KCNN2: variants seen among roughly 807,000 people sequenced by gnomAD.
The protein encoded by KCNN2 is small conductance calcium-activated potassium channel protein 2.
In KCNN2, 24 loss-of-function variants were observed where a neutral mutation model predicts 55.5. The observed-to-expected ratio is 0.43, with a 90% CI of 0.31 to 0.61. The LOEUF (loss-of-function observed/expected upper bound fraction) is 0.61. Ranked by LOEUF, KCNN2 falls within the 20% of genes least tolerant of loss-of-function variation. The pLI is 0.08. For missense variants in KCNN2, 754 were observed against 853.6 expected (o/e 0.88, Z 1.45); for synonymous variants, 431 against 336.1 (o/e 1.28, Z -3.09).
At chr5:114,409,037 A>C (rs1759035579) in intron 3 of KCNN2, among the ~76,000 whole-genome samples, 1 of 152,200 alleles carries the variant, frequency 6.6e-6, no homozygotes, top group African/African-American at 2.4e-5. Context: ...GAAGGGACAG[A>C]GGCCAAAACT....
intron 1 of KCNN2, among the ~76,000 whole-genome samples, chr5:114,160,105 A>G (rs1347627017): frequency 3.3e-5 from 5 of 151,996 alleles, no homozygotes; most frequent in Non-Finnish European, 7.4e-5. Flanking sequence ...TAGGGTGTCA[A>G]TTTTAGGTCT....
At chr5:114,212,589 C>A (rs1265147357) in intron 1 of KCNN2, among the ~76,000 whole-genome samples, 3 of 151,754 alleles carry the variant, frequency 2.0e-5, no homozygotes, top group Non-Finnish European at 4.4e-5. Flanking sequence ...TCACATTTTT[C>A]TTCACTCTGC....
At chr5:114,154,668 G>A (rs116414631) in intron 1 of KCNN2, among the ~76,000 whole-genome samples, 375 of 152,232 alleles carry the variant, frequency 2.5e-3, no homozygotes, top group African/African-American at 8.7e-3. Context: ...TCTAGTTTGG[G>A]TTGTTAAACA....
chr5:114,154,811 T>C (rs1752596826), intron 1 of KCNN2, among the ~76,000 whole-genome samples: 2 of 152,176 alleles, frequency 1.3e-5, no homozygotes, highest in South Asian at 4.1e-4. Flanking sequence ...TTACTAGGGT[T>C]GATCAGACAA....
intron 1 of KCNN2, among the ~76,000 whole-genome samples, chr5:114,154,572 T>C (rs927104458): frequency 2.0e-5 from 3 of 152,184 alleles, no homozygotes; most frequent in Non-Finnish European, 4.4e-5. Flanking sequence ...TTACTTATTT[T>C]CAGTGAGAAA....
intron 1 of KCNN2, among the ~76,000 whole-genome samples, chr5:114,211,952 T>G (rs948443633): frequency 1.3e-5 from 2 of 151,080 alleles, no homozygotes; most frequent in Non-Finnish European, 3.0e-5. Context: ...AAATATTTCC[T>G]TTATATTAAA....
chr5:114,420,681 C>T (rs1457058097), intron 3 of KCNN2, among the ~76,000 whole-genome samples: 1 of 152,154 alleles, frequency 6.6e-6, no homozygotes, highest in African/African-American at 2.4e-5. Flanking sequence ...AGAGACAATG[C>T]CATGGTTGTG....
chr5:114,422,516 T>TCA (rs1294112438), intron 3 of KCNN2, among the ~76,000 whole-genome samples: 1 of 152,138 alleles, frequency 6.6e-6, no homozygotes, highest in East Asian at 1.9e-4. Context: ...TATAAGCCAG[T>TCA]CAGCTTATGG....
rs1325879850 is a variant in KCNN2, at chr5:114,438,199, T to TA, written c.1638-24849dup. Among the ~76,000 whole-genome samples the TA allele has an allele frequency of 5.9e-5, 9 of 152,316 alleles. 1 individual carries two copies. The highest frequency in any genetic ancestry group is 5.9e-4 in the Admixed American group (9 of 15,300). On this transcript the variant is annotated intron_variant, in intron 3 of 7. Transcript: ENST00000673685. ...CGTAGTGATTCCAGTAGAACACACT[T>TA]ACTATATTTACAGTTTGAAATGTAG... is the stretch of plus-strand genomic sequence containing the variant.
In KCNN2 at chr5:114,496,002, C is replaced by G; in HGVS notation, c.2196C>G (p.Ser732Arg). 1 of 1,614,088 alleles carries G rather than the reference C, an allele frequency of 6.2e-7. No homozygotes were observed. Among genetic ancestry groups the G allele is most frequent in the Non-Finnish European group, 8.5e-7 (1 of 1,179,978 alleles). ...CAAAACTAGAGACTTTGATTGGTAG[C>G]ATCCACGCCCTCCCTGGGCTCATAA... The part of the protein sequence containing the change: ...LETKLETLIG[S>R]IHALPGLISQ... Residue 732 changes from serine to arginine, a missense_variant, in exon 8 of 8, where the codon AGC becomes AGG. This residue lies in a region of KCNN2 where 164 missense variants were observed against 156.6 expected (regional missense o/e 1.05). Coordinates refer to ENST00000673685, the MANE Select transcript of KCNN2 (RefSeq NM_021614.4).
At chr5:114,235,849 ACACT>A (rs1393107616) in intron 2 of KCNN2, among the ~76,000 whole-genome samples, 1 of 152,222 alleles carries the variant, frequency 6.6e-6, no homozygotes, top group East Asian at 1.9e-4. Context: ...TTGTTTCCTA[ACACT>A]CACAGCTGAT....
intron 3 of KCNN2, among the ~76,000 whole-genome samples, chr5:114,423,135 C>G (rs146703186): frequency 6.6e-6 from 1 of 152,318 alleles, no homozygotes; most frequent in East Asian, 1.9e-4. Context: ...CACAGCTTGA[C>G]TCCTTGAGGG....
At chr5:114,163,767 C>G (rs892974599) in intron 1 of KCNN2, among the ~76,000 whole-genome samples, 15 of 152,004 alleles carry the variant, frequency 9.9e-5, no homozygotes, top group African/African-American at 3.6e-4. Flanking sequence ...TTGAGACAAC[C>G]CATATGAAGG....
chr5:114,144,813 G>A (rs973997191), intron 1 of KCNN2, among the ~76,000 whole-genome samples: 1 of 143,910 alleles, frequency 6.9e-6, no homozygotes, highest in Non-Finnish European at 1.5e-5. Flanking sequence ...TGAATGTGGG[G>A]TGGGGGGAAT....
At chr5:114,133,118 A>G (rs929709186) in intron 1 of KCNN2, among the ~76,000 whole-genome samples, 2 of 152,198 alleles carry the variant, frequency 1.3e-5, no homozygotes, top group Non-Finnish European at 2.9e-5. Context: ...AACATAATTA[A>G]TGAATGTCTA....
intron 2 of KCNN2, among the ~76,000 whole-genome samples, chr5:114,373,640 T>TTATATATATATTTATATA (rs1757833408): frequency 1.8e-5 from 1 of 56,710 alleles, no homozygotes; most frequent in Non-Finnish European, 3.9e-5. Context: ...TATGAAGATT[T>TTATATATATATTTATATA]TATATATATA....
At chr5:114,079,268 A>G (rs1241717986) in intron 1 of KCNN2, among the ~76,000 whole-genome samples, 1 of 152,230 alleles carries the variant, frequency 6.6e-6, no homozygotes, top group African/African-American at 2.4e-5. Context: ...AATGTATTCT[A>G]ATAAAAACTT....
At chr5:114,422,147 C>T (rs935191624) in intron 3 of KCNN2, among the ~76,000 whole-genome samples, 5 of 152,186 alleles carry the variant, frequency 3.3e-5, no homozygotes, top group African/African-American at 1.2e-4. Flanking sequence ...CGAACTTGTG[C>T]TGCTACAGGA....
chr5:114,185,118 C>T (rs535026217), intron 1 of KCNN2, among the ~76,000 whole-genome samples: 194 of 152,190 alleles, frequency 1.3e-3, no homozygotes, highest in Non-Finnish European at 2.3e-3. Context: ...TTGCAATGTC[C>T]TCTAGGTGAT....
Sources: gnomAD v4.1 joint callset for allele counts (sites outside exome capture counted in the v4.1 genomes callset) on GRCh38, gnomAD v4.1.1 for gene constraint, gnomAD v4.1.1 regional missense constraint, MANE v1.5 for transcripts, NCBI Gene and HGNC (gene_info 2026-07-23, HGNC 2026-07-21) for gene names.